Variants in ZFHX2 observed in about 807,000 individuals in gnomAD.
ZFHX2 encodes the protein zinc finger homeobox protein 2.
Under a neutral mutation model 164.8 loss-of-function variants are expected in ZFHX2, and 75 were observed. The ratio of observed to expected loss-of-function variants is 0.46; its 90% CI spans 0.38 to 0.55. The LOEUF is 0.55. Ranked by LOEUF, ZFHX2 falls within the 20% of genes least tolerant of loss-of-function variation. The probability of loss-of-function intolerance (pLI) is 0.00; values close to 1 mark genes in which losing one functional copy is unlikely to be tolerated. For synonymous variants in ZFHX2, 1,217 were observed against 1,351.4 expected (o/e 0.90, Z 2.18); for missense variants, 2,933 against 3,308.0 (o/e 0.89, Z 2.78).
intron 5 of ZFHX2, 55 bp from the exon 6 acceptor site, chr14:23,529,823 G>T (rs995023999): frequency 2.0e-6 from 3 of 1,497,880 alleles, no homozygotes; most frequent in Non-Finnish European, 1.8e-6. Context: ...AAGATGATTT[G>T]TAGCAGAGAG....
intron 3 of ZFHX2, 42 bp from the exon 4 acceptor site, chr14:23,531,763 A>C (rs1208726199): frequency 7.8e-7 from 1 of 1,286,222 alleles, no homozygotes; most frequent in East Asian, 3.0e-5. Flanking sequence ...CAGAAGGGAC[A>C]TGCCAGACCT....
chr14:23,532,080 G>C, intron 3 of ZFHX2: 1 of 183,142 alleles, frequency 5.5e-6, no homozygotes, highest in Non-Finnish European at 1.1e-5. Context: ...CTAGCCTCAG[G>C]GGACTTCTTT....
In ZFHX2 at chr14:23,521,895, CG is replaced by C; in HGVS notation, c.*66del. 1.3e-6 allele frequency: 2 copies of C among 1,521,694 alleles called. No individual in the cohort carries two copies. Among genetic ancestry groups the C allele is most frequent in the Non-Finnish European group, 1.8e-6 (2 of 1,140,336 alleles). 94.3% of individuals were successfully genotyped at this position (1,521,694 alleles called of 1,614,324 possible). On this transcript the variant is annotated 3_prime_UTR_variant, in exon 10 of 10. Transcript: ENST00000419474. ...TGGGGTGAGGGATTTGAGCTCCCAC[CG>C]AACACCCCTTGGGGTAAAAGAGGGA...
chr14:23,552,270 C>T (rs1174723797), upstream of ZFHX2, among the ~76,000 whole-genome samples: 1 of 150,930 alleles, frequency 6.6e-6, no homozygotes. Flanking sequence ...CAGTTTATCG[C>T]TTATTAAGTG....
intron 5 of ZFHX2, 143 bp from the exon 6 acceptor site, chr14:23,529,911 C>T: frequency 1.0e-6 from 1 of 996,878 alleles, no homozygotes; most frequent in Non-Finnish European, 1.5e-6. Flanking sequence ...AGGGCTGACT[C>T]CGGGTCAGTA....
Position 23,525,371 on chromosome 14 carries a change from T to C in ZFHX2, c.4571A>G (p.Asp1524Gly). ...RYAAQFRKSY[D>G]SLYPPLAEPP... Reference sequence around the variant, plus strand: ...CTCTGCAAGGGGCGGGTATAGGCTGTCATAGCTCTTTCGAAACTGAGCAGC... The same window carrying C: ...CTCTGCAAGGGGCGGGTATAGGCTGCCATAGCTCTTTCGAAACTGAGCAGC... Residue 1524 changes from aspartate to glycine, a missense_variant, in exon 9 of 10, where the codon GAC becomes GGC. Physicochemically the swap from Asp to Gly is moderately conservative, Grantham distance 94. Transcript: ENST00000419474. This position sits in a 1 kb window ranked among gnomAD's most constrained non-coding sequence, Gnocchi z 5.9. The C allele has an allele frequency of 1.3e-6, 2 of 1,536,092 alleles. No homozygotes were observed. The highest frequency in any genetic ancestry group is 1.7e-6 in the Non-Finnish European group (2 of 1,146,906).
At position 23,532,826 on chromosome 14, in the gene ZFHX2, G is replaced by A; in HGVS notation, c.2300C>T (p.Thr767Ile). The A allele has an allele frequency of 6.5e-7, 1 of 1,536,578 alleles. No individual in the cohort carries two copies. Among genetic ancestry groups the A allele is most frequent in the South Asian group, 1.2e-5 (1 of 84,066 alleles). ...GAGTTGGAAGTTGGCCTTGAGCTGG[G>A]TGCCATAGCAGCAAAGCTTGCAGCG... is the stretch of plus-strand genomic sequence containing the variant. Reference protein sequence around the residue: ...THRCKLCCYGTQLKANFQLHL... With the variant: ...THRCKLCCYGIQLKANFQLHL... The change falls in exon 3 of 10, where the codon ACC becomes ATC. Residue 767 changes from threonine (T) to isoleucine (I), a missense_variant. Coordinates refer to ENST00000419474, the MANE Select transcript of ZFHX2 (RefSeq NM_033400.3).
intron 7 of ZFHX2, among the ~76,000 whole-genome samples, chr14:23,527,251 C>G (rs1878853814): frequency 6.6e-6 from 1 of 152,238 alleles, no homozygotes; most frequent in South Asian, 2.1e-4. Context: ...TTCAACAACT[C>G]TTCTCAGGAC....
At chr14:23,530,309 C>G in intron 4 of ZFHX2, 115 bp from the exon 5 acceptor site, 4 of 807,784 alleles carry the variant, frequency 5.0e-6, no homozygotes, top group Non-Finnish European at 4.1e-6. Flanking sequence ...ATGGATGGCT[C>G]AATCAGCAGG....
rs1293069319 is a variant in ZFHX2 at position 23,525,510 on chromosome 14, C to G, written c.4432G>C (p.Asp1478His). 2.0e-6 allele frequency: 3 copies of G among 1,535,736 alleles called. No homozygotes were observed. The highest frequency in any genetic ancestry group is 2.4e-5 in the South Asian group (2 of 84,048). ...PPPPEALGGG[D>H]KLACGACGKL... ...CCACAGGCCCCACAGGCCAGCTTGT[C>G]CCCACCCCCGAGGGCCTCAGGTGGG... The change falls in exon 9 of 10, where the codon GAC becomes CAC. Residue 1478 changes from aspartate to histidine, a missense_variant. Coordinates refer to ENST00000419474, the MANE Select transcript of ZFHX2 (RefSeq NM_033400.3). This position sits in a 1 kb window ranked among gnomAD's most constrained non-coding sequence, Gnocchi z 5.9.
In ZFHX2 at chr14:23,535,339, G is replaced by A; in HGVS notation, c.-14C>T. 1.4e-6 allele frequency: 2 copies of A among 1,447,042 alleles called. No homozygotes were observed. Among genetic ancestry groups the A allele is most frequent in the Non-Finnish European group, 1.8e-6 (2 of 1,101,796 alleles). The allele number at this position is 1,447,042 out of a possible 1,614,324, so 89.6% of individuals were successfully genotyped here. ...AAGGGTGGCCATGGTAGACGGAGGA[G>A]TGCTGGGGGCTCATGTCAGCGTGAC... On this transcript the variant is annotated 5_prime_UTR_variant, in exon 2 of 10. Coordinates refer to ENST00000419474, the MANE Select transcript of ZFHX2 (RefSeq NM_033400.3). This position sits in a 1 kb window ranked among gnomAD's most constrained non-coding sequence, Gnocchi z 4.5.
At position 23,522,576 on chromosome 14, in the gene ZFHX2, C is replaced by G; in HGVS notation, c.7105G>C (p.Ala2369Pro). ...ATGCCATAGAGCTGTTGGAAGTAGGCCCCCTGTAGCTGGGGGCCAAAGACA... is the reference window on the plus strand; with the variant it reads ...ATGCCATAGAGCTGTTGGAAGTAGGGCCCCTGTAGCTGGGGGCCAAAGACA... ...PAVFGPQLQG[A>P]YFQQLYGMKK... The change falls in exon 10 of 10, where the codon GCC (alanine) becomes CCC (proline). Residue 2369 changes from alanine to proline, a missense_variant. Coordinates refer to ENST00000419474, the MANE Select transcript of ZFHX2 (RefSeq NM_033400.3). 6.6e-7 allele frequency: 1 copy of G among 1,526,668 alleles called. No individual in the cohort carries two copies. Among genetic ancestry groups the G allele is most frequent in the Non-Finnish European group, 8.8e-7 (1 of 1,141,488 alleles). The allele number at this position is 1,526,668 out of a possible 1,614,324, so 94.6% of individuals were successfully genotyped here. A position where few individuals can be genotyped will look rare whatever the true frequency, so the allele number is the denominator to read the frequency against.
intron 1 of ZFHX2, among the ~76,000 whole-genome samples, chr14:23,539,090 G>C (rs1566590274): frequency 6.6e-6 from 1 of 152,312 alleles, no homozygotes; most frequent in East Asian, 1.9e-4. Flanking sequence ...TTAGTCTCCA[G>C]AGTTCCCTGC....
chr14:23,527,311 G>T (rs1348722503), intron 7 of ZFHX2, among the ~76,000 whole-genome samples: 3 of 152,196 alleles, frequency 2.0e-5, no homozygotes, highest in Non-Finnish European at 4.4e-5. Flanking sequence ...AGTAGAGGCA[G>T]CTAGACAAGC....
In ZFHX2 at chr14:23,533,836, C is replaced by T. The variant is rs1326512780; in HGVS notation, c.1490G>A (p.Arg497His). Residue 497 changes from arginine (R) to histidine (H), a missense_variant, in exon 2 of 10, where the codon CGT (arginine) becomes CAT (histidine). Coordinates refer to ENST00000419474, the MANE Select transcript of ZFHX2 (RefSeq NM_033400.3). The surrounding 1 kb of genome is among the most constrained non-coding windows in gnomAD (Gnocchi z 4.8). ...GTAGCCACAGTTGTAGCTCTCTCCA[C>T]GAGCAAGGCGGGGGTGGGCGCCCCC... Reference protein sequence around the residue: ...SAGGAHPRLARGESYNCGYKP... With the variant: ...SAGGAHPRLAHGESYNCGYKP... 1.2e-5 allele frequency: 19 copies of T among 1,540,732 alleles called. No homozygotes were observed. Among genetic ancestry groups the T allele is most frequent in the Admixed American group, 3.9e-5 (2 of 51,220 alleles).
At chr14:23,555,095 C>A (rs1882252715), upstream of ZFHX2, among the ~76,000 whole-genome samples, 1 of 152,180 alleles carries the variant, frequency 6.6e-6, no homozygotes, top group Non-Finnish European at 1.5e-5. Context: ...TCAAGCAATT[C>A]TCATGCCTCA....
chr14:23,524,135 G>T lies in ZFHX2; in HGVS notation c.5807C>A (p.Thr1936Asn). The change falls in exon 9 of 10, where the codon ACC becomes AAC. Residue 1936 changes from threonine (T) to asparagine (N), a missense_variant. By Grantham distance (65) the Thr-to-Asn change is moderately conservative (BLOSUM62 0). Transcript: ENST00000419474. This position sits in a 1 kb window ranked among gnomAD's most constrained non-coding sequence, Gnocchi z 5.6. ...GTTGAACTTGGGCAAGGATGCAGGGGTGGCTGTGGCAGGCGGTTTCACTGC... is the reference window on the plus strand; with the variant it reads ...GTTGAACTTGGGCAAGGATGCAGGGTTGGCTGTGGCAGGCGGTTTCACTGC... ...SPAVKPPATA[T>N]PASLPKFNLL... The T allele has an allele frequency of 6.5e-7, 1 of 1,536,028 alleles. No individual in the cohort carries two copies. The highest frequency in any genetic ancestry group is 8.7e-7 in the Non-Finnish European group (1 of 1,146,836).
At chr14:23,530,027 G>C in intron 5 of ZFHX2, 93 bp downstream of exon 5, 8 of 1,287,604 alleles carry the variant, frequency 6.2e-6, no homozygotes, top group Non-Finnish European at 8.7e-6. Flanking sequence ...TTTGCTCCTT[G>C]AGCACAGACA....
At chr14:23,540,683 A>G (rs1287863502) in intron 1 of ZFHX2, among the ~76,000 whole-genome samples, 1 of 152,204 alleles carries the variant, frequency 6.6e-6, no homozygotes, top group Non-Finnish European at 1.5e-5. Context: ...CAACTCTGGG[A>G]AATTACGTAT....
Sources: gnomAD v4.1 joint callset for allele counts (sites outside exome capture counted in the v4.1 genomes callset) on GRCh38, gnomAD v4.1.1 for gene constraint, Gnocchi (gnomAD v3.1) non-coding constraint, MANE v1.5 for transcripts, NCBI Gene and HGNC (gene_info 2026-07-23, HGNC 2026-07-21) for gene names.